TERF1: variants seen among roughly 807,000 people sequenced by gnomAD.
The protein encoded by TERF1 is telomeric repeat-binding factor 1.
In TERF1, 20 loss-of-function variants were observed where a neutral mutation model predicts 55.1. That is an observed-to-expected ratio of 0.36 (90% CI 0.26 to 0.53). The LOEUF is 0.53. Ranked by LOEUF, TERF1 falls within the 20% of genes least tolerant of loss-of-function variation. The probability of loss-of-function intolerance (pLI) is 0.91; values close to 1 mark genes in which losing one functional copy is unlikely to be tolerated. For missense variants in TERF1, 439 were observed against 535.7 expected (o/e 0.82, Z 1.78); for synonymous variants, 168 against 181.2 (o/e 0.93, Z 0.59).
At chr8:73,023,896 A>C (rs1482953311) in intron 4 of TERF1, among the ~76,000 whole-genome samples, 1 of 152,206 alleles carries the variant, frequency 6.6e-6, no homozygotes, top group African/African-American at 2.4e-5. Flanking sequence ...TCATTTTAGC[A>C]AAATATTTTA....
chr8:73,009,102 C>A lies in TERF1; in HGVS notation c.216C>A (p.Ala72=), dbSNP rs1354962818. Reference sequence around the variant, plus strand: ...CGGGCCTGGTGGCCGAGGCCGAGGCCGTGGCTGCCGGCTGGATGCTCGATT... The same window carrying A: ...CGGGCCTGGTGGCCGAGGCCGAGGCAGTGGCTGCCGGCTGGATGCTCGATT... The part of the protein sequence containing the change: ...EDAGLVAEAE[A]VAAGWMLDFL... Residue 72 remains alanine, a synonymous_variant, in exon 1 of 10, where the codon GCC becomes GCA. Transcript: ENST00000276603. 1.2e-6 allele frequency: 2 copies of A among 1,609,954 alleles called. No individual in the cohort carries two copies. Among genetic ancestry groups the A allele is most frequent in the Non-Finnish European group, 8.5e-7 (1 of 1,179,090 alleles).
Position 73,027,051 on chromosome 8 carries a change from A to G in TERF1, c.886A>G (p.Ser296Gly). ...TGAAGCTAATTTGGATACAAGAAAA[A>G]GGTTTGTAATTTAATCAATTTGTAT... ...ETEANLDTRK[S>G]VSDKQSAVTE... The change falls in exon 6 of 10, where the codon AGT becomes GGT. Residue 296 changes from serine to glycine, a missense_variant and splice_region_variant. By Grantham distance (56) the Ser-to-Gly change is moderately conservative. Around this residue, in one of 4 missense-constraint regions of TERF1, gnomAD observed 140 missense variants for 158.6 expected, o/e 0.88. Transcript: ENST00000276603. 6.2e-7 allele frequency: 1 copy of G among 1,601,248 alleles called. No individual in the cohort carries two copies.
intron 5 of TERF1, among the ~76,000 whole-genome samples, chr8:73,025,887 C>T (rs1808964705): frequency 7.1e-6 from 1 of 140,150 alleles, no homozygotes; most frequent in South Asian, 2.3e-4. Context: ...CAAAATGAGA[C>T]CCTGTCTCAA....
At chr8:73,014,889 G>A (rs16938550) in intron 2 of TERF1, among the ~76,000 whole-genome samples, 4,867 of 152,304 alleles carry the variant, frequency 0.032, 158 homozygotes, top group African/African-American at 0.088. Context: ...AGGCAGAATA[G>A]TTGTGAAAGA....
chr8:73,038,141 A>G (rs1809683693), intron 8 of TERF1, among the ~76,000 whole-genome samples: 2 of 151,636 alleles, frequency 1.3e-5, no homozygotes, highest in African/African-American at 4.8e-5. Flanking sequence ...ATACAAATGT[A>G]TCACTTTTGA....
intron 9 of TERF1, among the ~76,000 whole-genome samples, chr8:73,043,731 T>G (rs545169703): frequency 6.6e-6 from 1 of 152,274 alleles, no homozygotes; most frequent in South Asian, 2.1e-4. Context: ...GGTCATTTCT[T>G]GAAAGAAAGG....
At chr8:73,012,433 G>T (rs56262613) in intron 1 of TERF1, 1 of 152,918 alleles carries the variant, frequency 6.5e-6, no homozygotes, top group Non-Finnish European at 1.5e-5. Flanking sequence ...ACTTTGGGAG[G>T]CTGAGGCGGG....
chr8:73,037,848 T>C (rs1370073867), intron 8 of TERF1, among the ~76,000 whole-genome samples: 1 of 97,382 alleles, frequency 1.0e-5, no homozygotes, highest in Non-Finnish European at 2.0e-5. Context: ...ATATATAATA[T>C]ATAATATATA....
intron 2 of TERF1, among the ~76,000 whole-genome samples, chr8:73,018,233 T>C (rs1450394359): frequency 6.6e-6 from 1 of 152,170 alleles, no homozygotes; most frequent in Non-Finnish European, 1.5e-5. Flanking sequence ...AGACTTAGTA[T>C]GTGAATGAAT....
At chr8:73,024,435 G>A (rs1808894527) in intron 4 of TERF1, among the ~76,000 whole-genome samples, 1 of 152,114 alleles carries the variant, frequency 6.6e-6, no homozygotes, top group African/African-American at 2.4e-5. Flanking sequence ...TGCAAGTAAA[G>A]GAATTCCTGG....
At chr8:73,016,265 A>G (rs1467267411) in intron 2 of TERF1, among the ~76,000 whole-genome samples, 1 of 151,816 alleles carries the variant, frequency 6.6e-6, no homozygotes, top group African/African-American at 2.4e-5. Context: ...GCTGTGCAGT[A>G]ATCATGTATG....
chr8:73,045,489 T>C (rs1809994129), intron 9 of TERF1, among the ~76,000 whole-genome samples: 1 of 152,208 alleles, frequency 6.6e-6, no homozygotes, highest in Admixed American at 6.5e-5. Context: ...TAGTTGTATT[T>C]TTGAAAGTCT....
At chr8:73,026,073 C>G (rs1418973482) in intron 5 of TERF1, among the ~76,000 whole-genome samples, 1 of 149,476 alleles carries the variant, frequency 6.7e-6, no homozygotes, top group Non-Finnish European at 1.5e-5. Context: ...TGGCACACGC[C>G]TGTAGTCCCA....
In TERF1 at chr8:73,048,025, G is replaced by T. The variant is rs531338442; in HGVS notation, c.*1888G>T. ...TTTACTTATTAGAAGAGCTATTTTAGATGTATTTAAACATAAGATTTTTAT... is the reference window on the plus strand; with the variant it reads ...TTTACTTATTAGAAGAGCTATTTTATATGTATTTAAACATAAGATTTTTAT... On this transcript the variant is annotated 3_prime_UTR_variant, in exon 10 of 10. Transcript: ENST00000276603. 3.3e-5 allele frequency: 5 copies of T among 152,286 alleles called. No homozygotes were observed. Among genetic ancestry groups the T allele is most frequent in the African/African-American group, 1.2e-4 (5 of 41,554 alleles). 9.4% of individuals were successfully genotyped at this position (152,286 alleles called of 1,614,324 possible). A position where few individuals can be genotyped will look rare whatever the true frequency, so the allele number is the denominator to read the frequency against.
chr8:73,016,636 C>T (rs1373071431), intron 2 of TERF1, among the ~76,000 whole-genome samples: 4 of 151,946 alleles, frequency 2.6e-5, no homozygotes, highest in African/African-American at 9.7e-5. Flanking sequence ...TCATGTTGTC[C>T]AGGCTGGTCT....
At chr8:73,043,781 T>TA (rs1809926601) in intron 9 of TERF1, among the ~76,000 whole-genome samples, 1 of 152,314 alleles carries the variant, frequency 6.6e-6, no homozygotes, top group East Asian at 1.9e-4. Context: ...TGCACCTTAT[T>TA]AAAAATACTA....
At chr8:73,015,575 C>T (rs567181058) in intron 2 of TERF1, among the ~76,000 whole-genome samples, 33 of 152,128 alleles carry the variant, frequency 2.2e-4, no homozygotes, top group Middle Eastern at 3.4e-3. Flanking sequence ...TGGTGATTCA[C>T]GCCTGTAATC....
At chr8:73,013,847 A>G (rs1205556707) in intron 1 of TERF1, 48 bp from the exon 2 acceptor site, 2 of 1,228,016 alleles carry the variant, frequency 1.6e-6, no homozygotes, top group African/African-American at 3.0e-5. Context: ...CAGTGGCACT[A>G]CTGGATCAAG....
chr8:73,015,741 C>T (rs982398524), intron 2 of TERF1, among the ~76,000 whole-genome samples: 2 of 152,066 alleles, frequency 1.3e-5, no homozygotes, highest in African/African-American at 2.4e-5. Flanking sequence ...GAGGTAGGAT[C>T]GTTTGAGCCC....
Sources: allele counts gnomAD v4.1 joint callset (sites outside exome capture counted in the v4.1 genomes callset), GRCh38; gene constraint gnomAD v4.1.1; regional missense constraint gnomAD v4.1.1; transcripts MANE v1.5; gene names NCBI Gene and HGNC (gene_info 2026-07-23, HGNC 2026-07-21).